The following ITGAV variants were observed in gnomAD, a reference collection of about 807,000 sequenced individuals.
The protein encoded by ITGAV is integrin alpha-V.
A neutral mutation model predicts 143.8 loss-of-function variants in ITGAV; 76 were observed. The ratio of observed to expected loss-of-function variants is 0.53; its 90% CI spans 0.44 to 0.64. The LOEUF (loss-of-function observed/expected upper bound fraction) is 0.64, where lower values mean the gene tolerates loss of function less well. Ranked by LOEUF, ITGAV falls within the 30% of genes least tolerant of loss-of-function variation. The pLI, the probability that ITGAV is intolerant of heterozygous loss-of-function variation, is 0.00. For missense variants in ITGAV, 1,193 were observed against 1,274.7 expected, an observed-to-expected ratio of 0.94 and a Z score of 0.98; for synonymous variants, 453 against 446.7, an observed-to-expected ratio of 1.01 and a Z score of -0.18.
intron 2 of ITGAV, among the ~76,000 whole-genome samples, chr2:186,621,256 A>G (rs1687512222): frequency 1.3e-5 from 2 of 152,204 alleles, no homozygotes; most frequent in Admixed American, 1.3e-4. Flanking sequence ...AATACAATGA[A>G]CAACGAACAA....
intron 20 of ITGAV, 61 bp from the exon 21 acceptor site, chr2:186,665,065 A>G (rs534500813): frequency 2.5e-5 from 27 of 1,067,416 alleles, no homozygotes; most frequent in East Asian, 2.2e-4. Context: ...GAAATATCCA[A>G]CTGCGTGATA....
Position 186,590,520 on chromosome 2 carries a change from C to T in ITGAV, c.182C>T (p.Ser61Phe). 2 of 1,610,532 alleles carry T rather than the reference C, an allele frequency of 1.2e-6. No homozygotes were observed. Among genetic ancestry groups the T allele is most frequent in the Non-Finnish European group, 1.7e-6 (2 of 1,178,880 alleles). The change falls in exon 1 of 30, where the codon TCT becomes TTT. Residue 61 changes from serine (S) to phenylalanine (F), a missense_variant. By Grantham distance (155) the Ser-to-Phe change is radical. Coordinates refer to ENST00000261023, the MANE Select transcript of ITGAV (RefSeq NM_002210.5). ...GTGGATTTCTTCGTGCCCAGCGCGT[C>T]TTCGTAAGTGGCCGCACTTGGAACT... ...FAVDFFVPSA[S>F]SRMFLLVGAP...
intron 13 of ITGAV, among the ~76,000 whole-genome samples, chr2:186,647,672 C>A (rs75360590): frequency 0.013 from 1,940 of 152,180 alleles, 40 homozygotes; most frequent in African/African-American, 0.044. Context: ...GGCAGTTTAC[C>A]CAAGGTTGCC....
intron 15 of ITGAV, among the ~76,000 whole-genome samples, chr2:186,652,417 G>A (rs1040326115): frequency 3.3e-5 from 5 of 152,004 alleles, no homozygotes; most frequent in Admixed American, 1.3e-4. Flanking sequence ...CTCGAAGACC[G>A]CTGTGCTCAA....
chr2:186,667,904 A>C, intron 24 of ITGAV, 128 bp downstream of exon 24: 1 of 435,300 alleles, frequency 2.3e-6, no homozygotes, highest in Non-Finnish European at 4.1e-6. Context: ...AGTATGTGTC[A>C]GAGATTTCTT....
chr2:186,638,361 T>C (rs186998784), intron 9 of ITGAV, 41 bp downstream of exon 9: 23 of 1,608,024 alleles, frequency 1.4e-5, no homozygotes, highest in African/African-American at 1.3e-4. Context: ...ATCTCTAAGT[T>C]ATCTTCTATT....
intron 2 of ITGAV, among the ~76,000 whole-genome samples, chr2:186,612,755 T>C (rs1030320037): frequency 1.3e-5 from 2 of 152,212 alleles, no homozygotes; most frequent in Admixed American, 6.5e-5. Context: ...CTTCCTCCTA[T>C]TGATGAATTT....
rs2105748512 is a variant in ITGAV, at chr2:186,669,739, T to C, written c.2631T>C (p.Val877=). ...AAACAACTGAAAAGAATGACACGGT[T>C]GCCGGGCAAGGTGAGCGGGACCATC... ...SLQTTEKNDT[V]AGQGERDHLI... is the part of the protein sequence containing the mutation. The change falls in exon 26 of 30, where the codon GTT becomes GTC. Residue 877 remains valine (V), a synonymous_variant. Transcript: ENST00000261023. 1.2e-6 allele frequency: 2 copies of C among 1,614,150 alleles called. No individual in the cohort carries two copies. Among genetic ancestry groups the C allele is most frequent in the Middle Eastern group, 1.6e-4 (1 of 6,062 alleles).
chr2:186,649,613 T>G (rs535511351), intron 13 of ITGAV, among the ~76,000 whole-genome samples: 4 of 152,192 alleles, frequency 2.6e-5, no homozygotes, highest in Non-Finnish European at 5.9e-5. Context: ...ATTTAAAAGA[T>G]TTATATCCAC....
chr2:186,668,632 A>T (rs1688979911), intron 24 of ITGAV, 130 bp from the exon 25 acceptor site: 1 of 724,676 alleles, frequency 1.4e-6, no homozygotes, highest in Non-Finnish European at 2.4e-6. Context: ...CATTGTAATT[A>T]GAGGTTAACT....
chr2:186,668,923 A>T lies in ITGAV; in HGVS notation c.2592+3A>T. ...AGATCAACCCTTTGAGAATTAAGGT[A>T]ATATGCTTAATAGCAGCTCTTCATT... On this transcript the variant is annotated splice_donor_region_variant and intron_variant, in intron 25 of 29. Transcript: ENST00000261023. 6.3e-7 allele frequency: 1 copy of T among 1,590,834 alleles called. No individual in the cohort carries two copies. Among genetic ancestry groups the T allele is most frequent in the Non-Finnish European group, 8.6e-7 (1 of 1,165,204 alleles).
In ITGAV at chr2:186,663,822, G is replaced by A. The variant is rs1482559084; in HGVS notation, c.1912G>A (p.Val638Ile). ...EDNVCKPKLE[V>I]SVDSDQKKIY... ...CAATGTCTGTAAACCCAAGCTGGAA[G>A]TTTCTGTAGATAGGTAAGTTTTGCT... Residue 638 changes from valine (V) to isoleucine (I), a missense_variant, in exon 19 of 30, where the codon GTT (valine) becomes ATT (isoleucine). By Grantham distance (29) the Val-to-Ile change is conservative (BLOSUM62 3). Coordinates refer to ENST00000261023, the MANE Select transcript of ITGAV (RefSeq NM_002210.5). 6.2e-7 allele frequency: 1 copy of A among 1,611,138 alleles called. No individual in the cohort carries two copies.
intron 3 of ITGAV, among the ~76,000 whole-genome samples, chr2:186,624,683 G>A (rs1687625122): frequency 1.3e-5 from 2 of 152,138 alleles, no homozygotes; most frequent in Admixed American, 1.3e-4. Context: ...TTACTATGTT[G>A]TTAAAGCATT....
chr2:186,612,625 CT>C (rs1687246473), intron 2 of ITGAV, among the ~76,000 whole-genome samples: 1 of 152,104 alleles, frequency 6.6e-6, no homozygotes, highest in East Asian at 1.9e-4. Context: ...TATAACTAGG[CT>C]TTGTATTTAA....
intron 17 of ITGAV, among the ~76,000 whole-genome samples, chr2:186,657,192 T>G (rs1688614967): frequency 6.6e-6 from 1 of 152,104 alleles, no homozygotes; most frequent in Non-Finnish European, 1.5e-5. Flanking sequence ...GCCAAGAGTT[T>G]GAGACCAGCC....
At chr2:186,657,558 G>A (rs1351229062) in intron 17 of ITGAV, among the ~76,000 whole-genome samples, 1 of 152,108 alleles carries the variant, frequency 6.6e-6, no homozygotes, top group East Asian at 1.9e-4. Context: ...ACATCAAAAT[G>A]TATAGGCTAT....
intron 26 of ITGAV, among the ~76,000 whole-genome samples, chr2:186,672,196 C>T (rs1226516761): frequency 2.6e-5 from 4 of 152,040 alleles, no homozygotes; most frequent in East Asian, 1.9e-4. Flanking sequence ...GTGATCCGCC[C>T]GCCTCGGCCT....
intron 17 of ITGAV, 78 bp from the exon 18 acceptor site, chr2:186,658,960 T>C (rs1040323312): frequency 9.3e-7 from 1 of 1,077,930 alleles, no homozygotes; most frequent in African/African-American, 1.6e-5. Flanking sequence ...TACAGCTGGC[T>C]TTGTAATGTG....
intron 1 of ITGAV, among the ~76,000 whole-genome samples, chr2:186,599,431 A>G (rs981413319): frequency 5.3e-5 from 8 of 152,232 alleles, no homozygotes; most frequent in African/African-American, 1.9e-4. Flanking sequence ...GATGACTCAC[A>G]GATATCTCAA....
Sources: allele counts gnomAD v4.1 joint callset (sites outside exome capture counted in the v4.1 genomes callset), GRCh38; gene constraint gnomAD v4.1.1; transcripts MANE v1.5; gene names NCBI Gene and HGNC (gene_info 2026-07-23, HGNC 2026-07-21).